Variants in DGKB observed in about 807,000 individuals in gnomAD.
DGKB encodes the protein diacylglycerol kinase beta, also known as 90 kDa diacylglycerol kinase.
Under a neutral mutation model 114.3 loss-of-function variants are expected in DGKB, and 67 were observed. The observed-to-expected ratio is 0.59, with a 90% confidence interval of 0.48 to 0.72. The LOEUF (loss-of-function observed/expected upper bound fraction) is 0.72, where lower values mean the gene tolerates loss of function less well. Ranked by LOEUF, DGKB falls within the 30% of genes least tolerant of loss-of-function variation. The probability of loss-of-function intolerance (pLI) is 0.00; values close to 1 mark genes in which losing one functional copy is unlikely to be tolerated. For missense variants in DGKB, 907 were observed against 975.2 expected, an observed-to-expected ratio of 0.93 and a Z score of 0.93; for synonymous variants, 398 against 323.1, an observed-to-expected ratio of 1.23 and a Z score of -2.49.
intron 1 of DGKB, among the ~76,000 whole-genome samples, chr7:14,843,195 C>A (rs1848170193): frequency 4.3e-5 from 6 of 138,842 alleles, no homozygotes; most frequent in African/African-American, 1.4e-4. Context: ...CCAGCCTGGG[C>A]AACAGAGCAA....
At chr7:14,887,012 G>A (rs1248573242) in intron 1 of DGKB, among the ~76,000 whole-genome samples, 1 of 151,590 alleles carries the variant, frequency 6.6e-6, no homozygotes, top group East Asian at 1.9e-4. Context: ...CCTTCAAATC[G>A]CAATTTATAA....
At chr7:14,443,037 C>T (rs1030143211) in intron 21 of DGKB, among the ~76,000 whole-genome samples, 7 of 152,048 alleles carry the variant, frequency 4.6e-5, no homozygotes, top group African/African-American at 1.4e-4. Flanking sequence ...ATCCAAACTG[C>T]CAATCTTGTT....
At chr7:14,923,921 G>C (rs1256904292) in intron 1 of DGKB, among the ~76,000 whole-genome samples, 4 of 145,264 alleles carry the variant, frequency 2.8e-5, no homozygotes, top group African/African-American at 5.3e-5. Context: ...CTTGAACCCG[G>C]GAGGCGGAGG....
chr7:14,457,144 T>C (rs1349077199), intron 21 of DGKB, among the ~76,000 whole-genome samples: 1 of 152,166 alleles, frequency 6.6e-6, no homozygotes, highest in African/African-American at 2.4e-5. Context: ...TATTTAATTG[T>C]ACACAAGTTA....
At chr7:14,963,037 T>G (rs923786167) in intron 1 of DGKB, among the ~76,000 whole-genome samples, 2 of 152,240 alleles carry the variant, frequency 1.3e-5, no homozygotes, top group Non-Finnish European at 1.5e-5. Flanking sequence ...TGTCTTATTC[T>G]CTCAAACTGT....
At chr7:14,165,633 A>G in intron 25 of DGKB, among the ~76,000 whole-genome samples, 1 of 152,338 alleles carries the variant, frequency 6.6e-6, no homozygotes, top group Non-Finnish European at 1.5e-5. Flanking sequence ...GAAAAAAGTG[A>G]TCAACGGATT....
intron 20 of DGKB, among the ~76,000 whole-genome samples, chr7:14,571,838 CAG>C (rs1206291139): frequency 6.6e-6 from 1 of 152,148 alleles, no homozygotes; most frequent in Non-Finnish European, 1.5e-5. Context: ...CATTTTGACA[CAG>C]GGGTGATCTC....
chr7:14,646,147 C>T (rs1345941609), intron 13 of DGKB, among the ~76,000 whole-genome samples: 1 of 152,142 alleles, frequency 6.6e-6, no homozygotes, highest in Non-Finnish European at 1.5e-5. Context: ...TGCAAAGACA[C>T]TCATAGACTG....
At chr7:14,586,451 C>G (rs527762950) in intron 17 of DGKB, among the ~76,000 whole-genome samples, 1 of 152,216 alleles carries the variant, frequency 6.6e-6, no homozygotes, top group African/African-American at 2.4e-5. Context: ...GCTGTATAAA[C>G]AGCAAGTGCT....
intron 6 of DGKB, among the ~76,000 whole-genome samples, chr7:14,703,292 G>A (rs1825542837): frequency 6.6e-6 from 1 of 152,158 alleles, no homozygotes; most frequent in African/African-American, 2.4e-5. Flanking sequence ...GTAAATGACT[G>A]CAAAATGACC....
chr7:14,854,854 T>G, intron 1 of DGKB, among the ~76,000 whole-genome samples: 1 of 152,168 alleles, frequency 6.6e-6, no homozygotes, highest in African/African-American at 2.4e-5. Flanking sequence ...ATTGGTCTAC[T>G]CTGTGTTACG....
chr7:14,393,079 CCTG>C (rs1281911971), intron 21 of DGKB, among the ~76,000 whole-genome samples: 4 of 146,524 alleles, frequency 2.7e-5, no homozygotes, highest in African/African-American at 7.5e-5. Flanking sequence ...AGCTCTGCCC[CCTG>C]GGGTTCACGC....
At chr7:14,911,759 GACA>G (rs1198183770) in intron 1 of DGKB, among the ~76,000 whole-genome samples, 3 of 152,144 alleles carry the variant, frequency 2.0e-5, no homozygotes, top group Non-Finnish European at 4.4e-5. Context: ...GCAAAACTGC[GACA>G]ACGCTGTTTC....
chr7:14,457,398 T>A (rs983535602), intron 21 of DGKB, among the ~76,000 whole-genome samples: 1 of 152,184 alleles, frequency 6.6e-6, no homozygotes, highest in East Asian at 1.9e-4. Flanking sequence ...TACACAAGAT[T>A]TGTTAAAATG....
At chr7:14,496,121 T>A (rs1462278745) in intron 20 of DGKB, among the ~76,000 whole-genome samples, 1 of 151,902 alleles carries the variant, frequency 6.6e-6, no homozygotes, top group Non-Finnish European at 1.5e-5. Context: ...CTTGCATTTT[T>A]AAAAAATTTA....
chr7:14,315,060 T>C (rs914182867), intron 23 of DGKB, among the ~76,000 whole-genome samples: 4 of 151,470 alleles, frequency 2.6e-5, no homozygotes, highest in African/African-American at 9.7e-5. Flanking sequence ...AGAAATAAAA[T>C]ACTTTACAGA....
intron 23 of DGKB, among the ~76,000 whole-genome samples, chr7:14,217,135 T>C (rs2128316799): frequency 6.6e-6 from 1 of 152,290 alleles, no homozygotes; most frequent in Non-Finnish European, 1.5e-5. Flanking sequence ...GTCTAGTCTC[T>C]AAGGAACTCC....
At chr7:14,457,191 A>T (rs1284400274) in intron 21 of DGKB, among the ~76,000 whole-genome samples, 1 of 152,164 alleles carries the variant, frequency 6.6e-6, no homozygotes, top group East Asian at 1.9e-4. Context: ...ATGATATCAT[A>T]GTGCACTAGT....
intron 2 of DGKB, among the ~76,000 whole-genome samples, chr7:14,810,291 T>C (rs148806313): frequency 6.6e-6 from 1 of 152,174 alleles, no homozygotes; most frequent in African/African-American, 2.4e-5. Flanking sequence ...TGAAACCTAG[T>C]CACTCATGGC....
Sources: gnomAD v4.1 joint callset for allele counts (sites outside exome capture counted in the v4.1 genomes callset) on GRCh38, gnomAD v4.1.1 for gene constraint, MANE v1.5 for transcripts, NCBI Gene and HGNC (gene_info 2026-07-23, HGNC 2026-07-21) for gene names.